The following ZNF385D variants were observed in gnomAD, a reference collection of about 807,000 sequenced individuals.
The protein encoded by ZNF385D is zinc finger protein 385D.
Under a neutral mutation model 35.8 loss-of-function variants are expected in ZNF385D, and 15 were observed. The observed-to-expected ratio is 0.42, with a 90% CI of 0.28 to 0.64. The LOEUF (loss-of-function observed/expected upper bound fraction) is 0.64. ZNF385D is among the 30% of genes least tolerant of loss of function. The probability of loss-of-function intolerance (pLI) is 0.23; values close to 1 mark genes in which losing one functional copy is unlikely to be tolerated. For synonymous variants in ZNF385D, 212 were observed against 186.8 expected (o/e 1.13, Z -1.10); for missense variants, 474 against 494.6 (o/e 0.96, Z 0.39).
intron 3 of ZNF385D, among the ~76,000 whole-genome samples, chr3:21,871,157 T>A (rs1024391617): frequency 2.6e-5 from 4 of 152,140 alleles, no homozygotes; most frequent in Non-Finnish European, 5.9e-5. Flanking sequence ...ATCTCTAGTC[T>A]TTGAGTCACC....
intron 4 of ZNF385D, among the ~76,000 whole-genome samples, chr3:21,489,359 C>T (rs967809083): frequency 6.6e-6 from 1 of 152,020 alleles, no homozygotes; most frequent in African/African-American, 2.4e-5. Context: ...CACATTTGGT[C>T]CATAGACAGA....
chr3:22,322,720 T>A (rs1189385384), intron 2 of ZNF385D, among the ~76,000 whole-genome samples: 1 of 152,254 alleles, frequency 6.6e-6, no homozygotes, highest in African/African-American at 2.4e-5. Context: ...ATATAAATAT[T>A]TTCCCACATG....
chr3:21,916,993 T>C (rs1700221317), intron 3 of ZNF385D, among the ~76,000 whole-genome samples: 1 of 152,214 alleles, frequency 6.6e-6, no homozygotes, highest in African/African-American at 2.4e-5. Context: ...TCTGCTGATT[T>C]AGTAGATGAA....
chr3:21,810,837 C>G (rs1341210516), intron 3 of ZNF385D, among the ~76,000 whole-genome samples: 1 of 151,758 alleles, frequency 6.6e-6, no homozygotes, highest in Admixed American at 6.6e-5. Context: ...AGTATACATT[C>G]CTGGTAGATA....
At position 22,146,344 on chromosome 3, in the gene ZNF385D, T is replaced by A. The variant is rs12633185; in HGVS notation, c.325+22473A>T. On this transcript the variant is annotated intron_variant, in intron 3 of 5. Transcript: ENST00000494108. ...AAAATTAAAAGCATTCCACAGGTAT[T>A]TCCCATTACCATCATTAACTGCAAT... Among the ~76,000 whole-genome samples, 229 of 152,320 alleles carry A rather than the reference T, an allele frequency of 1.5e-3. 5 individuals carry two copies. The East Asian group carries it at 0.039, about 26-fold the overall frequency.
At chr3:22,370,030 A>T (rs1696831318) in intron 2 of ZNF385D, among the ~76,000 whole-genome samples, 1 of 152,222 alleles carries the variant, frequency 6.6e-6, no homozygotes, top group Non-Finnish European at 1.5e-5. Flanking sequence ...GTTTTCTTGA[A>T]TTGCAAACAT....
chr3:21,949,549 T>TC (rs1701958814), intron 3 of ZNF385D, among the ~76,000 whole-genome samples: 1 of 102,642 alleles, frequency 9.7e-6, no homozygotes, highest in Non-Finnish European at 2.1e-5. Flanking sequence ...TTCTTTTCTT[T>TC]CTTTCTTTTT....
chr3:22,138,708 A>C (rs1048650869), intron 3 of ZNF385D, among the ~76,000 whole-genome samples: 2 of 152,302 alleles, frequency 1.3e-5, no homozygotes, highest in East Asian at 1.9e-4. Context: ...TAAAACCATA[A>C]AAACCCTAGA....
At chr3:22,352,432 T>C (rs1282630824) in intron 2 of ZNF385D, among the ~76,000 whole-genome samples, 1 of 152,192 alleles carries the variant, frequency 6.6e-6, no homozygotes, top group African/African-American at 2.4e-5. Flanking sequence ...TGACACGGTG[T>C]GACTGAGGTT....
chr3:21,540,786 A>G (rs899041406), intron 3 of ZNF385D, among the ~76,000 whole-genome samples: 3 of 152,214 alleles, frequency 2.0e-5, no homozygotes, highest in African/African-American at 7.2e-5. Context: ...GAAAAGATCT[A>G]CTTCTCGAAG....
intron 2 of ZNF385D, among the ~76,000 whole-genome samples, chr3:22,345,648 A>G (rs67787146): frequency 0.081 from 12,382 of 152,256 alleles, 843 homozygotes; most frequent in African/African-American, 0.2. Flanking sequence ...TAGGTACAGA[A>G]TAGCGGCTGT....
intron 2 of ZNF385D, among the ~76,000 whole-genome samples, chr3:22,284,197 T>G (rs1701910290): frequency 6.6e-6 from 1 of 151,990 alleles, no homozygotes; most frequent in South Asian, 2.1e-4. Flanking sequence ...TTGTTTGTTT[T>G]TGTTTTTGTT....
chr3:22,184,295 A>T (rs1055140280), intron 2 of ZNF385D, among the ~76,000 whole-genome samples: 1 of 152,190 alleles, frequency 6.6e-6, no homozygotes, highest in Non-Finnish European at 1.5e-5. Context: ...TGGAACCATT[A>T]TTGACGTCAG....
At chr3:21,481,966 A>G (rs1704661003) in intron 4 of ZNF385D, among the ~76,000 whole-genome samples, 1 of 152,154 alleles carries the variant, frequency 6.6e-6, no homozygotes, top group African/African-American at 2.4e-5. Context: ...TTGCAGTTCC[A>G]TCACATGCTT....
chr3:21,958,374 T>TATAATTTGTATAATTTG (rs1702399828), intron 3 of ZNF385D, among the ~76,000 whole-genome samples: 1 of 152,144 alleles, frequency 6.6e-6, no homozygotes, highest in African/African-American at 2.4e-5. Flanking sequence ...TGTGTAAGTT[T>TATAATTTGTATAATTTG]CATACCTCAA....
At chr3:21,735,297 A>G (rs1483737238) in intron 1 of ZNF385D, among the ~76,000 whole-genome samples, 2 of 152,166 alleles carry the variant, frequency 1.3e-5, no homozygotes, top group Non-Finnish European at 2.9e-5. Context: ...TGAACCAATG[A>G]CCATCCCTTA....
chr3:21,860,527 AT>A (rs1318220223), intron 3 of ZNF385D, among the ~76,000 whole-genome samples: 1 of 152,170 alleles, frequency 6.6e-6, no homozygotes, highest in African/African-American at 2.4e-5. Context: ...AAGTACAGAT[AT>A]CCCCACATCA....
intron 3 of ZNF385D, among the ~76,000 whole-genome samples, chr3:21,816,062 C>T (rs980007422): frequency 2.6e-5 from 4 of 152,138 alleles, no homozygotes; most frequent in Admixed American, 1.3e-4. Context: ...AGCATATAAA[C>T]AGAACCAAAG....
At chr3:21,958,577 A>G (rs189673752) in intron 3 of ZNF385D, among the ~76,000 whole-genome samples, 168 of 152,242 alleles carry the variant, frequency 1.1e-3, no homozygotes, top group Middle Eastern at 3.4e-3. Context: ...AATAAAAGAT[A>G]AAACCATTGT....
Sources: gnomAD v4.1 joint callset for allele counts (sites outside exome capture counted in the v4.1 genomes callset) on GRCh38, gnomAD v4.1.1 for gene constraint, MANE v1.5 for transcripts, NCBI Gene and HGNC (gene_info 2026-07-23, HGNC 2026-07-21) for gene names.